MOBP: variants seen among roughly 807,000 people sequenced by gnomAD.
The protein encoded by MOBP is myelin-associated oligodendrocyte basic protein.
Under a neutral mutation model 15.0 loss-of-function variants are expected in MOBP, and 5 were observed. That is an observed-to-expected ratio of 0.33 (90% confidence interval 0.17 to 0.70). MOBP has a LOEUF of 0.70. Among genes scored for constraint, MOBP ranks in the 30% least tolerant of loss-of-function variants. The pLI is 0.67. For missense variants in MOBP, 188 were observed against 257.8 expected (o/e 0.73, Z 1.85); for synonymous variants, 88 against 99.0 (o/e 0.89, Z 0.66).
At chr3:39,482,352 T>TA (rs2042640020) in intron 2 of MOBP, among the ~76,000 whole-genome samples, 1 of 152,128 alleles carries the variant, frequency 6.6e-6, no homozygotes, top group African/African-American at 2.4e-5. Flanking sequence ...GAAGTGATCT[T>TA]ACAAAAACGC....
At chr3:39,470,720 T>A (rs2042457322) in intron 1 of MOBP, among the ~76,000 whole-genome samples, 1 of 152,210 alleles carries the variant, frequency 6.6e-6, no homozygotes. Flanking sequence ...GAGTTCAATG[T>A]CAAATTTAGT....
exon 5 of MOBP, chr3:39,513,737 C>T (rs1203153640): frequency 3.0e-6 from 1 of 336,024 alleles, no homozygotes; most frequent in Admixed American, 4.5e-5. Context: ...ATGCACAGGC[C>T]TCCAGGGTCT....
chr3:39,491,176 C>T (rs1035359544), intron 2 of MOBP, among the ~76,000 whole-genome samples: 1 of 152,092 alleles, frequency 6.6e-6, no homozygotes, highest in Non-Finnish European at 1.5e-5. Context: ...TTAGGTATGT[C>T]GCAGTGATGT....
chr3:39,487,286 A>C (rs1286787751), intron 2 of MOBP, among the ~76,000 whole-genome samples: 1 of 151,974 alleles, frequency 6.6e-6, no homozygotes, highest in Non-Finnish European at 1.5e-5. Flanking sequence ...TTGCAAGTTA[A>C]TTTTATCAAC....
At chr3:39,519,976 T>A (rs961662366), downstream of MOBP, among the ~76,000 whole-genome samples, 3 of 145,656 alleles carry the variant, frequency 2.1e-5, no homozygotes, top group African/African-American at 7.9e-5. Flanking sequence ...TTTTTTTTTT[T>A]ACAACTTAAA....
intron 1 of MOBP, among the ~76,000 whole-genome samples, chr3:39,469,986 G>A (rs145098023): frequency 6.6e-6 from 1 of 152,278 alleles, no homozygotes; most frequent in Non-Finnish European, 1.5e-5. Flanking sequence ...TAGATTCTTT[G>A]TGTGTGTTGG....
chr3:39,475,642 T>G lies in MOBP; in HGVS notation c.-88-4398T>G, dbSNP rs575469095. ...CAGTATAAGCCCAACAATATTTATTTTATTCCTTGGTTTATAATCCAATAC... is the reference window on the plus strand; with the variant it reads ...CAGTATAAGCCCAACAATATTTATTGTATTCCTTGGTTTATAATCCAATAC... On this transcript the variant is annotated intron_variant, in intron 1 of 3. Coordinates refer to ENST00000684792, the MANE Select transcript of MOBP (RefSeq NM_001393704.1). Among the ~76,000 whole-genome samples the G allele has an allele frequency of 2.0e-5, 3 of 152,364 alleles. No individual in the cohort carries two copies. In the South Asian group the frequency reaches 6.2e-4, roughly 32 times the overall value.
rs549922167 is a variant in MOBP, at chr3:39,472,036, T to A, written c.-89+4296T>A. ...TTCCTCAGAATCACCAAGGTTAACT[T>A]CAAGTCCCTACCCCTTGGGTGCCTG... On this transcript the variant is annotated intron_variant, in intron 1 of 3. Transcript: ENST00000684792. Among the ~76,000 whole-genome samples, 18 of 152,282 alleles carry A rather than the reference T, an allele frequency of 1.2e-4. No homozygotes were observed. The South Asian group carries it at 3.7e-3, about 32-fold the overall frequency.
chr3:39,523,810 A>G lies in MOBP; in HGVS notation c.*259-433A>G, dbSNP rs562115042. On this transcript the variant is annotated intron_variant and NMD_transcript_variant, in intron 3 of 4. Coordinates refer to the MOBP transcript ENST00000424090. The stretch of plus-strand genomic sequence containing the variant: ...GGAAAAGACATGGAGTTATGTAACA[A>G]AAACTGGGCTGAGACATGGTTTTAT... Among the ~76,000 whole-genome samples the G allele has an allele frequency of 7.9e-5, 12 of 152,336 alleles. No homozygotes were observed. The South Asian group carries it at 2.5e-3, about 32-fold the overall frequency.
intron 4 of MOBP, among the ~76,000 whole-genome samples, chr3:39,509,000 C>T (rs1169610684): frequency 6.6e-6 from 1 of 151,920 alleles, no homozygotes; most frequent in Non-Finnish European, 1.5e-5. Context: ...TATACATATG[C>T]ATCCATATAG....
chr3:39,501,048 C>T lies in MOBP; in HGVS notation c.-4-1018C>T, dbSNP rs544124190. ...TGTCATTTCTATTTGTAGTAGAAGACAACCACACCAACAGACAAAAAAATT... is the reference window on the plus strand; with the variant it reads ...TGTCATTTCTATTTGTAGTAGAAGATAACCACACCAACAGACAAAAAAATT... On this transcript the variant is annotated intron_variant, in intron 2 of 3. Coordinates refer to ENST00000684792, the MANE Select transcript of MOBP (RefSeq NM_001393704.1). Among the ~76,000 whole-genome samples the T allele has an allele frequency of 2.0e-5, 3 of 152,294 alleles. No individual in the cohort carries two copies. The South Asian group carries it at 6.2e-4, about 32-fold the overall frequency.
chr3:39,520,686 T>A (rs946670944), downstream of MOBP, among the ~76,000 whole-genome samples: 1 of 152,144 alleles, frequency 6.6e-6, no homozygotes, highest in African/African-American at 2.4e-5. Flanking sequence ...GCTTCTTGTG[T>A]TTTGGGAAAG....
At chr3:39,483,299 A>G (rs2042654020) in intron 2 of MOBP, among the ~76,000 whole-genome samples, 4 of 152,220 alleles carry the variant, frequency 2.6e-5, no homozygotes. Context: ...TGGAACAGAG[A>G]TAAGTGGCAT....
chr3:39,520,787 T>C (rs111608402), downstream of MOBP, among the ~76,000 whole-genome samples: 1,666 of 152,276 alleles, frequency 0.011, 14 homozygotes, highest in African/African-American at 0.02. Context: ...AACCTCAGGA[T>C]GGTCTTTGCC....
chr3:39,522,821 G>A (rs1333196559), intron 3 of MOBP, among the ~76,000 whole-genome samples: 1 of 152,192 alleles, frequency 6.6e-6, no homozygotes, highest in Non-Finnish European at 1.5e-5. Context: ...TTGCCCTCCA[G>A]CTCAATCAGT....
chr3:39,477,254 G>T (rs1281721847), intron 1 of MOBP, among the ~76,000 whole-genome samples: 1 of 152,042 alleles, frequency 6.6e-6, no homozygotes, highest in African/African-American at 2.4e-5. Context: ...CCCTGCAGTT[G>T]TGCAACTTTG....
intron 2 of MOBP, among the ~76,000 whole-genome samples, chr3:39,494,694 T>C (rs1270526799): frequency 6.6e-6 from 1 of 152,014 alleles, no homozygotes; most frequent in African/African-American, 2.4e-5. Flanking sequence ...TGAATTCTCA[T>C]CTGTGAAAGG....
intron 2 of MOBP, among the ~76,000 whole-genome samples, chr3:39,483,923 A>G (rs1441267597): frequency 6.6e-6 from 1 of 152,242 alleles, no homozygotes; most frequent in Non-Finnish European, 1.5e-5. Context: ...CCCAGAGGAC[A>G]GAAGCACCTG....
intron 2 of MOBP, among the ~76,000 whole-genome samples, chr3:39,485,416 A>G (rs2042687868): frequency 6.6e-6 from 1 of 152,162 alleles, no homozygotes; most frequent in African/African-American, 2.4e-5. Context: ...GGTTTTAGAG[A>G]CTAAGGTCTC....
Sources: allele counts gnomAD v4.1 joint callset (sites outside exome capture counted in the v4.1 genomes callset), GRCh38; gene constraint gnomAD v4.1.1; transcripts MANE v1.5; gene names NCBI Gene and HGNC (gene_info 2026-07-23, HGNC 2026-07-21).